ABCC6: variants seen among roughly 807,000 people sequenced by gnomAD.
The protein encoded by ABCC6 is ATP binding cassette subfamily C member 6, also known as ATP-binding cassette sub-family C member 6.
Under a neutral mutation model 169.5 loss-of-function variants are expected in ABCC6, and 126 were observed. The observed-to-expected ratio is 0.74, with a 90% CI of 0.64 to 0.86. The LOEUF (loss-of-function observed/expected upper bound fraction) is 0.86, where lower values mean the gene tolerates loss of function less well. Among genes scored for constraint, ABCC6 ranks in the 40% least tolerant of loss-of-function variants. The probability of loss-of-function intolerance (pLI) is 0.00; values close to 1 mark genes in which losing one functional copy is unlikely to be tolerated. For missense variants in ABCC6, 1,733 were observed against 1,927.2 expected, an observed-to-expected ratio of 0.90 and a Z score of 1.89; for synonymous variants, 752 against 814.7, an observed-to-expected ratio of 0.92 and a Z score of 1.31.
chr16:16,209,962 C>T (rs1005520854), intron 6 of ABCC6, among the ~76,000 whole-genome samples: 3 of 151,760 alleles, frequency 2.0e-5, no homozygotes, highest in Non-Finnish European at 4.4e-5. Flanking sequence ...AACTCCCGGC[C>T]TCAAGTGATC....
At chr16:16,158,381 C>T (rs1166193793) in intron 26 of ABCC6, among the ~76,000 whole-genome samples, 1 of 152,014 alleles carries the variant, frequency 6.6e-6, no homozygotes, top group Non-Finnish European at 1.5e-5. Flanking sequence ...TCCCATCCAT[C>T]CATTCATCCA....
intron 13 of ABCC6, among the ~76,000 whole-genome samples, chr16:16,188,160 A>T (rs2047716080): frequency 6.6e-6 from 1 of 150,720 alleles, no homozygotes; most frequent in Non-Finnish European, 1.5e-5. Flanking sequence ...TGGGCAGATC[A>T]CCTGAGGTCA....
chr16:16,149,883 T>C lies in ABCC6; in HGVS notation c.*250A>G. The C allele has an allele frequency of 1.7e-6, 1 of 593,248 alleles. No homozygotes were observed. Among genetic ancestry groups the C allele is most frequent in the South Asian group, 1.9e-5 (1 of 53,648 alleles). 36.7% of individuals were successfully genotyped at this position (593,248 alleles called of 1,614,324 possible). A position where few individuals can be genotyped will look rare whatever the true frequency, so the allele number is the denominator to read the frequency against. On this transcript the variant is annotated 3_prime_UTR_variant, in exon 31 of 31. Coordinates refer to ENST00000205557, the MANE Select transcript of ABCC6 (RefSeq NM_001171.6). ...AGAGTACAGCGGGGCTGAGAGTCGCTGTTGACATTGGCTGCAGGGTGGACA... is the reference window on the plus strand; with the variant it reads ...AGAGTACAGCGGGGCTGAGAGTCGCCGTTGACATTGGCTGCAGGGTGGACA...
rs146936233 is a variant in ABCC6 at position 16,182,919 on chromosome 16, G to A, written c.1955C>T (p.Thr652Met). 82 of 1,614,126 alleles carry A rather than the reference G, an allele frequency of 5.1e-5. 1 individual carries two copies. In the Middle Eastern group the frequency reaches 8.2e-4, roughly 16 times the overall value. Reference protein sequence around the residue: ...SPPCLHRINLTVPQGCLLAVV... With the variant: ...SPPCLHRINLMVPQGCLLAVV... ...AGCCAGCAGACAGCCCTGGGGCACC[G>A]TGAGGTTTATTCTGGACACGCAAGA... Residue 652 changes from threonine (T) to methionine (M), a missense_variant, in exon 16 of 31, where the codon ACG becomes ATG. This residue lies in a region of ABCC6 where 1,601 missense variants were observed against 1,635.5 expected (regional missense o/e 0.98). Transcript: ENST00000205557.
chr16:16,168,784 C>T (rs1413177539), intron 22 of ABCC6, among the ~76,000 whole-genome samples: 3 of 152,054 alleles, frequency 2.0e-5, no homozygotes, highest in Non-Finnish European at 4.4e-5. Flanking sequence ...GGGGAAATCA[C>T]AATGAGATCC....
chr16:16,178,746 G>A, intron 18 of ABCC6, 52 bp downstream of exon 18: 1 of 1,607,930 alleles, frequency 6.2e-7, no homozygotes. Flanking sequence ...TGGATGCTAA[G>A]TGCTTCCTCT....
chr16:16,189,088 A>G, intron 12 of ABCC6, 114 bp from the exon 13 acceptor site: 1 of 1,259,338 alleles, frequency 7.9e-7, no homozygotes, highest in African/African-American at 1.5e-5. Context: ...CCATGTCCGC[A>G]TGTGCTTCCC....
In ABCC6 at chr16:16,201,984, T is replaced by C. The variant is rs1296690091; in HGVS notation, c.1176+17A>G. Reference sequence around the variant, plus strand: ...TTTCCTGGCTGGGAAGACCTGCCCTTGTCCCCCAGGGCTCACCTTTCTGTA... The same window carrying C: ...TTTCCTGGCTGGGAAGACCTGCCCTCGTCCCCCAGGGCTCACCTTTCTGTA... On this transcript the variant is annotated intron_variant, in intron 9 of 30. Transcript: ENST00000205557. 24 of 1,613,940 alleles carry C rather than the reference T, an allele frequency of 1.5e-5. No homozygotes were observed. The Middle Eastern group carries it at 1.3e-3, about 89-fold the overall frequency.
intron 29 of ABCC6, 149 bp from the exon 30 acceptor site, chr16:16,150,921 C>A: frequency 6.8e-7 from 1 of 1,475,492 alleles, no homozygotes; most frequent in Non-Finnish European, 9.1e-7. Context: ...GGTCTGTGGT[C>A]TGCAGAACTG....
At chr16:16,185,484 G>A (rs778710580) in intron 14 of ABCC6, among the ~76,000 whole-genome samples, 2 of 152,128 alleles carry the variant, frequency 1.3e-5, no homozygotes, top group Non-Finnish European at 2.9e-5. Flanking sequence ...AGTGAAGGGG[G>A]TGTTATTAAT....
chr16:16,192,923 C>A lies in ABCC6; in HGVS notation c.1339-1G>T. 1 of 1,613,808 alleles carries A rather than the reference C, an allele frequency of 6.2e-7. No homozygotes were observed. The highest frequency in any genetic ancestry group is 2.2e-5 in the East Asian group (1 of 44,880). On this transcript the variant is annotated splice_acceptor_variant, in intron 10 of 30. Transcript: ENST00000205557. LOFTEE classifies it high-confidence loss of function. Reference sequence around the variant, plus strand: ...CAGTGAGGGCGGAGGGCCCCAGGAGCTGGGGATAGAAGGGGCAGGATGTCA... The same window carrying A: ...CAGTGAGGGCGGAGGGCCCCAGGAGATGGGGATAGAAGGGGCAGGATGTCA...
rs529264052 is a variant in ABCC6 at position 16,201,303 on chromosome 16, A to C, written c.1176+698T>G. ...TTTACCCCAAGCAGTATTGTCTGGG[A>C]ACACAGCTGACAGGCCACCTTATCA... is the stretch of plus-strand genomic sequence containing the variant. On this transcript the variant is annotated intron_variant, in intron 9 of 30. Coordinates refer to ENST00000205557, the MANE Select transcript of ABCC6 (RefSeq NM_001171.6). 2.6e-5 allele frequency among the ~76,000 whole-genome samples: 4 copies of C among 152,322 alleles called. No individual in the cohort carries two copies. The South Asian group carries it at 8.3e-4, about 32-fold the overall frequency.
chr16:16,201,989 C>G lies in ABCC6; in HGVS notation c.1176+12G>C, dbSNP rs1461434360. 6.2e-7 allele frequency: 1 copy of G among 1,613,968 alleles called. No individual in the cohort carries two copies. On this transcript the variant is annotated intron_variant, in intron 9 of 30. Coordinates refer to ENST00000205557, the MANE Select transcript of ABCC6 (RefSeq NM_001171.6). ...TGGCTGGGAAGACCTGCCCTTGTCC[C>G]CCAGGGCTCACCTTTCTGTACACCA...
At chr16:16,207,240 C>G (rs549776114) in intron 7 of ABCC6, among the ~76,000 whole-genome samples, 69 of 152,364 alleles carry the variant, frequency 4.5e-4, no homozygotes, top group African/African-American at 1.6e-3. Flanking sequence ...TTCTGTGGCT[C>G]TGAAGGGACC....
chr16:16,182,528 C>G lies in ABCC6; in HGVS notation c.2131G>C (p.Val711Leu), dbSNP rs200800189. The change falls in exon 17 of 31, where the codon GTG (valine) becomes CTG (leucine). Residue 711 changes from valine to leucine, a missense_variant. Around this residue, in one of 5 missense-constraint regions of ABCC6, gnomAD observed 1,601 missense variants for 1,635.5 expected, o/e 0.98. Coordinates refer to ENST00000205557, the MANE Select transcript of ABCC6 (RefSeq NM_001171.6). ...WVQNTSVVEN[V>L]CFGQELDPPW... ...GGGTCCAGCTCCTGCCCGAAGCACA[C>G]ATTCTCTACCACAGAGGTGTTCTGC... 5.5e-5 allele frequency: 89 copies of G among 1,614,110 alleles called. No homozygotes were observed. The highest frequency in any genetic ancestry group is 7.1e-5 in the Non-Finnish European group (84 of 1,180,056).
intron 14 of ABCC6, 37 bp from the exon 15 acceptor site, chr16:16,185,071 G>A (rs773335788): frequency 6.3e-7 from 1 of 1,592,468 alleles, no homozygotes; most frequent in Admixed American, 1.7e-5. Context: ...GGAGACCCCT[G>A]ACCTGGCCGG....
chr16:16,203,338 G>GC, intron 8 of ABCC6, 72 bp downstream of exon 8: 1 of 1,604,280 alleles, frequency 6.2e-7, no homozygotes, highest in East Asian at 2.2e-5. Context: ...GAGAGCTGAA[G>GC]CCCCCTGGCC....
At chr16:16,157,872 C>A in intron 26 of ABCC6, 63 bp from the exon 27 acceptor site, 1 of 1,540,764 alleles carries the variant, frequency 6.5e-7, no homozygotes, top group Non-Finnish European at 8.8e-7. Context: ...CAAGATGGCC[C>A]ACCTCTATCA....
intron 6 of ABCC6, among the ~76,000 whole-genome samples, chr16:16,209,375 C>T (rs1055645723): frequency 2.6e-5 from 4 of 152,142 alleles, no homozygotes; most frequent in Admixed American, 1.3e-4. Flanking sequence ...TGAGCCACCA[C>T]ACCCAGCCTG....
Sources: allele counts gnomAD v4.1 joint callset (sites outside exome capture counted in the v4.1 genomes callset), GRCh38; gene constraint gnomAD v4.1.1; regional missense constraint gnomAD v4.1.1; transcripts MANE v1.5; gene names NCBI Gene and HGNC (gene_info 2026-07-23, HGNC 2026-07-21).